Variants in LHFPL3 observed in about 807,000 individuals in gnomAD.
The protein encoded by LHFPL3 is LHFPL tetraspan subfamily member 3.
Under a neutral mutation model 19.3 loss-of-function variants are expected in LHFPL3, and 5 were observed. The observed-to-expected ratio is 0.26, with a 90% CI of 0.14 to 0.54. LHFPL3 has a LOEUF of 0.54. Ranked by LOEUF, LHFPL3 falls within the 20% of genes least tolerant of loss-of-function variation. The probability of loss-of-function intolerance (pLI) is 0.94; values close to 1 mark genes in which losing one functional copy is unlikely to be tolerated. For missense variants in LHFPL3, 249 were observed against 307.4 expected (o/e 0.81, Z 1.42); for synonymous variants, 133 against 126.2 (o/e 1.05, Z -0.36).
intron 1 of LHFPL3, among the ~76,000 whole-genome samples, chr7:104,511,217 A>G (rs1793807250): frequency 6.6e-6 from 1 of 152,198 alleles, no homozygotes; most frequent in African/African-American, 2.4e-5. Flanking sequence ...AAAATGTTCA[A>G]TGTCATAAGC....
chr7:104,845,643 G>A (rs761665617), intron 2 of LHFPL3, among the ~76,000 whole-genome samples: 1 of 152,260 alleles, frequency 6.6e-6, no homozygotes, highest in Non-Finnish European at 1.5e-5. Flanking sequence ...ACTTGCAGCT[G>A]TCAGCCTGGC....
intron 1 of LHFPL3, among the ~76,000 whole-genome samples, chr7:104,467,857 T>G (rs1792823714): frequency 6.6e-6 from 1 of 152,204 alleles, no homozygotes; most frequent in South Asian, 2.1e-4. Flanking sequence ...TTCTCTTCCT[T>G]CTCTTTCTCT....
At chr7:104,807,490 T>G (rs532320802) in intron 2 of LHFPL3, among the ~76,000 whole-genome samples, 98 of 152,324 alleles carry the variant, frequency 6.4e-4, no homozygotes, top group African/African-American at 2.1e-3. Context: ...TGTATACGAC[T>G]CCAACTCTCA....
At chr7:104,722,511 A>T (rs1337915917) in intron 1 of LHFPL3, among the ~76,000 whole-genome samples, 1 of 152,174 alleles carries the variant, frequency 6.6e-6, no homozygotes, top group Non-Finnish European at 1.5e-5. Context: ...TGTTTTCTTC[A>T]CCACACTCTA....
intron 2 of LHFPL3, among the ~76,000 whole-genome samples, chr7:104,839,910 G>A (rs1393994900): frequency 1.3e-5 from 2 of 152,104 alleles, no homozygotes; most frequent in East Asian, 3.9e-4. Context: ...CTACCACTAA[G>A]TCTGTCCCTA....
At chr7:104,529,557 C>G (rs1339521320) in intron 1 of LHFPL3, among the ~76,000 whole-genome samples, 1 of 152,108 alleles carries the variant, frequency 6.6e-6, no homozygotes, top group African/African-American at 2.4e-5. Context: ...GAACGTATGT[C>G]AAATATTGGC....
chr7:104,352,387 A>AACTT (rs1790195483), intron 1 of LHFPL3, among the ~76,000 whole-genome samples: 1 of 152,134 alleles, frequency 6.6e-6, no homozygotes, highest in South Asian at 2.1e-4. Context: ...ATGTAATAAG[A>AACTT]ACTTCATAAA....
intron 1 of LHFPL3, among the ~76,000 whole-genome samples, chr7:104,426,067 G>A (rs1411545292): frequency 3.3e-5 from 5 of 152,160 alleles, no homozygotes; most frequent in African/African-American, 7.2e-5. Context: ...AGTGTAAAAT[G>A]TTCCCGTTCC....
chr7:104,565,133 T>C (rs1186113515), intron 1 of LHFPL3, among the ~76,000 whole-genome samples: 1 of 152,228 alleles, frequency 6.6e-6, no homozygotes, highest in African/African-American at 2.4e-5. Context: ...AGTGGACCAG[T>C]AGATTTTAGA....
At chr7:104,542,994 C>A (rs138381520) in intron 1 of LHFPL3, among the ~76,000 whole-genome samples, 54 of 152,146 alleles carry the variant, frequency 3.5e-4, no homozygotes, top group African/African-American at 1.3e-3. Flanking sequence ...GAGTTCATGT[C>A]CATTGCAGGG....
intron 2 of LHFPL3, among the ~76,000 whole-genome samples, chr7:104,765,319 C>G (rs1794439051): frequency 6.6e-6 from 1 of 152,176 alleles, no homozygotes; most frequent in South Asian, 2.1e-4. Flanking sequence ...GAATAGATAA[C>G]TTTCTTCAAG....
chr7:104,845,802 T>G lies in LHFPL3; in HGVS notation c.683-60385T>G, dbSNP rs564351992. ...ACTACTACAGTGTGAACCACGCATG[T>G]GGGCATCTCTGTACAAACCTTGTCC... On this transcript the variant is annotated intron_variant, in intron 2 of 2. Transcript: ENST00000424859. 2.0e-5 allele frequency among the ~76,000 whole-genome samples: 3 copies of G among 152,352 alleles called. No homozygotes were observed. In the South Asian group the frequency reaches 6.2e-4, roughly 32 times the overall value.
chr7:104,567,823 C>G (rs561976492), intron 1 of LHFPL3, among the ~76,000 whole-genome samples: 1 of 152,300 alleles, frequency 6.6e-6, no homozygotes, highest in Admixed American at 6.5e-5. Context: ...AGTGCTACTG[C>G]AGAACTAATG....
intron 2 of LHFPL3, chr7:104,738,737 T>G (rs539862949): frequency 2.6e-5 from 4 of 152,164 alleles, no homozygotes; most frequent in African/African-American, 9.7e-5. Context: ...GTTTTCAAAA[T>G]TGGTCTTTCC....
intron 1 of LHFPL3, among the ~76,000 whole-genome samples, chr7:104,467,490 G>A (rs1442510726): frequency 6.6e-6 from 1 of 152,228 alleles, no homozygotes; most frequent in East Asian, 1.9e-4. Context: ...GTAAAGTTTT[G>A]TGAAGTGCAG....
chr7:104,395,817 C>T (rs1337818188), intron 1 of LHFPL3, among the ~76,000 whole-genome samples: 3 of 152,116 alleles, frequency 2.0e-5, no homozygotes, highest in African/African-American at 4.8e-5. Context: ...TATTTTCTAA[C>T]GTTTATGATG....
At chr7:104,898,980 G>A (rs555241609) in intron 2 of LHFPL3, among the ~76,000 whole-genome samples, 24 of 152,106 alleles carry the variant, frequency 1.6e-4, no homozygotes, top group African/African-American at 5.1e-4. Context: ...GTATGCGCCT[G>A]TAGTCCCAGC....
intron 1 of LHFPL3, among the ~76,000 whole-genome samples, chr7:104,637,549 A>T (rs555502023): frequency 2.0e-5 from 3 of 152,026 alleles, no homozygotes; most frequent in Admixed American, 6.5e-5. Context: ...TCTTGTGTTG[A>T]TTTTTGCTTA....
intron 1 of LHFPL3, among the ~76,000 whole-genome samples, chr7:104,617,819 A>G (rs1169586432): frequency 1.3e-5 from 2 of 152,224 alleles, no homozygotes; most frequent in Admixed American, 6.5e-5. Flanking sequence ...AGCTGAGCCA[A>G]TGTTTGTGTA....
Sources: allele counts gnomAD v4.1 joint callset (sites outside exome capture counted in the v4.1 genomes callset), GRCh38; gene constraint gnomAD v4.1.1; transcripts MANE v1.5; gene names NCBI Gene and HGNC (gene_info 2026-07-23, HGNC 2026-07-21).